Variants in PRDM16 observed in about 807,000 individuals in gnomAD.
PRDM16 encodes histone-lysine N-methyltransferase PRDM16.
PRDM16 carries 23 observed loss-of-function variants against 110.6 expected under a neutral mutation model. That is an observed-to-expected ratio of 0.21 (90% confidence interval 0.15 to 0.29). The LOEUF (loss-of-function observed/expected upper bound fraction) is 0.29. PRDM16 is among the 10% of genes least tolerant of loss of function. PRDM16 has a pLI of 1.00. For synonymous variants in PRDM16, 799 were observed against 781.8 expected, an observed-to-expected ratio of 1.02 and a Z score of -0.37; for missense variants, 1,615 against 1,794.3, an observed-to-expected ratio of 0.90 and a Z score of 1.81.
Position 3,435,862 on chromosome 1 carries a change from T to G in PRDM16, c.*2051T>G. 1 of 231,160 alleles carries G rather than the reference T, an allele frequency of 4.3e-6. No individual in the cohort carries two copies. The highest frequency in any genetic ancestry group is 5.6e-5 in the Admixed American group (1 of 17,758). 14.3% of individuals were successfully genotyped at this position (231,160 alleles called of 1,614,324 possible). On this transcript the variant is annotated 3_prime_UTR_variant, in exon 17 of 17. Coordinates refer to ENST00000270722, the MANE Select transcript of PRDM16 (RefSeq NM_022114.4). Reference sequence around the variant, plus strand: ...ACCCGACGGATCACAGTGAAAGGGATTCCTCCCACGCCAGATCTGCACAAC... The same window carrying G: ...ACCCGACGGATCACAGTGAAAGGGAGTCCTCCCACGCCAGATCTGCACAAC...
chr1:3,409,437 G>A (rs1643631013), intron 8 of PRDM16, among the ~76,000 whole-genome samples: 1 of 152,170 alleles, frequency 6.6e-6, no homozygotes, highest in African/African-American at 2.4e-5. Flanking sequence ...CGCCCCGCCA[G>A]GCTGGACGAG....
Position 3,212,787 on chromosome 1 carries a change from G to C in PRDM16, c.387+26313G>C, listed in dbSNP as rs115688827. ...GCACCTGCATTTCCGCCGCTACCTC[G>C]GCGTGGCTCTGCCTGCTCCCTCCCT... On this transcript the variant is annotated intron_variant, in intron 2 of 16. Transcript: ENST00000270722. Among the ~76,000 whole-genome samples, 1,459 of 152,098 alleles carry C rather than the reference G, an allele frequency of 9.6e-3. 20 individuals are homozygous for C. The highest frequency in any genetic ancestry group is 0.033 in the African/African-American group (1,379 of 41,420).
chr1:3,363,327 G>A (rs551149779), intron 3 of PRDM16, among the ~76,000 whole-genome samples: 87 of 152,344 alleles, frequency 5.7e-4, no homozygotes, highest in South Asian at 1.7e-3. Context: ...TCCCACATGA[G>A]ATGGACAAGC....
chr1:3,346,630 C>G (rs754085967), intron 3 of PRDM16, among the ~76,000 whole-genome samples: 14 of 152,170 alleles, frequency 9.2e-5, no homozygotes, highest in African/African-American at 3.1e-4. Flanking sequence ...GATGGCCAGC[C>G]AGGCCCACCC....
intron 1 of PRDM16, among the ~76,000 whole-genome samples, chr1:3,152,040 A>G (rs1045025283): frequency 1.3e-5 from 2 of 152,338 alleles, no homozygotes; most frequent in Admixed American, 6.5e-5. Flanking sequence ...GCCCCGTGGC[A>G]CATTGCTCAG....
At chr1:3,334,050 G>C (rs1002312308) in intron 3 of PRDM16, among the ~76,000 whole-genome samples, 1 of 152,202 alleles carries the variant, frequency 6.6e-6, no homozygotes, top group African/African-American at 2.4e-5. Flanking sequence ...CATAACACAC[G>C]TAAAGTGCAG....
intron 3 of PRDM16, among the ~76,000 whole-genome samples, chr1:3,345,584 G>C (rs1261242830): frequency 6.6e-6 from 1 of 152,238 alleles, no homozygotes; most frequent in Non-Finnish European, 1.5e-5. Flanking sequence ...AATGGGACTT[G>C]GGTCTTGAAT....
At chr1:3,119,908 C>T (rs1643055188) in intron 1 of PRDM16, among the ~76,000 whole-genome samples, 1 of 152,144 alleles carries the variant, frequency 6.6e-6, no homozygotes, top group African/African-American at 2.4e-5. Flanking sequence ...CCCCCAGGAT[C>T]CCTGCGGCCC....
rs1037895612 is a variant in PRDM16 at position 3,080,709 on chromosome 1, C to A, written c.37+11413C>A. On this transcript the variant is annotated intron_variant, in intron 1 of 16. Transcript: ENST00000270722. This position sits in a 1 kb window ranked among gnomAD's most constrained non-coding sequence, Gnocchi z 5.2. ...AGCAAAGCCAGCTTGCTCTCCCCCT[C>A]GGACCGGGCAACTGCTCCTGGATTT... 6.6e-6 allele frequency among the ~76,000 whole-genome samples: 1 copy of A among 152,176 alleles called. No homozygotes were observed. The highest frequency in any genetic ancestry group is 2.4e-5 in the African/African-American group (1 of 41,448).
chr1:3,382,250 C>A lies in PRDM16; in HGVS notation c.439-2902C>A, dbSNP rs796419654. On this transcript the variant is annotated intron_variant, in intron 3 of 16. Transcript: ENST00000270722. This position sits in a 1 kb window ranked among gnomAD's most constrained non-coding sequence, Gnocchi z 6.6. The stretch of plus-strand genomic sequence containing the variant: ...ACCAGCCGCTTGTGGCCTCCTCCCT[C>A]CCATGCCACGCCCCTGCCACCCCTG... Among the ~76,000 whole-genome samples, 29 of 152,334 alleles carry A rather than the reference C, an allele frequency of 1.9e-4. No individual in the cohort carries two copies. The highest frequency in any genetic ancestry group is 6.7e-4 in the African/African-American group (28 of 41,574).
chr1:3,138,853 G>A (rs1216325523), intron 1 of PRDM16, among the ~76,000 whole-genome samples: 3 of 152,162 alleles, frequency 2.0e-5, no homozygotes, highest in Non-Finnish European at 4.4e-5. Context: ...CCCTGGGCTT[G>A]GTGCAGCTGC....
intron 1 of PRDM16, among the ~76,000 whole-genome samples, chr1:3,130,823 T>C: frequency 6.6e-6 from 1 of 151,836 alleles, no homozygotes; most frequent in Non-Finnish European, 1.5e-5. Flanking sequence ...TTTTTATCTT[T>C]TCTGCTGCCG....
intron 1 of PRDM16, among the ~76,000 whole-genome samples, chr1:3,074,681 A>C (rs1430680064): frequency 6.6e-6 from 1 of 151,568 alleles, no homozygotes; most frequent in Non-Finnish European, 1.5e-5. Context: ...CACCCTCCAC[A>C]CTCCCTCGCT....
chr1:3,335,604 C>CACACAT (rs1553164997), intron 3 of PRDM16, among the ~76,000 whole-genome samples: 46 of 73,144 alleles, frequency 6.3e-4, no homozygotes, highest in African/African-American at 1.5e-3. Context: ...GAGGTTAAAA[C>CACACAT]ACACACACAC....
At chr1:3,156,462 G>A (rs990578821) in intron 1 of PRDM16, among the ~76,000 whole-genome samples, 3 of 152,128 alleles carry the variant, frequency 2.0e-5, no homozygotes, top group Non-Finnish European at 4.4e-5. Context: ...TTAAGAAGAA[G>A]GATGGACCCA....
intron 2 of PRDM16, among the ~76,000 whole-genome samples, chr1:3,230,953 AT>A (rs1639394663): frequency 6.6e-6 from 1 of 152,024 alleles, no homozygotes; most frequent in South Asian, 2.1e-4. Flanking sequence ...GAAGCCTCCC[AT>A]TCCTGGAGAG....
rs1408484708 is a variant in PRDM16 at position 3,353,760 on chromosome 1, G to A, written c.439-31392G>A. ...AGTGGCCAAGGGGGTTGCACTTGGG[G>A]CCGGACCTCCTGACTCCTGCCTCTG... On this transcript the variant is annotated intron_variant, in intron 3 of 16. Coordinates refer to ENST00000270722, the MANE Select transcript of PRDM16 (RefSeq NM_022114.4). This position sits in a 1 kb window ranked among gnomAD's most constrained non-coding sequence, Gnocchi z 5.4. Among the ~76,000 whole-genome samples, 9 of 152,182 alleles carry A rather than the reference G, an allele frequency of 5.9e-5. No homozygotes were observed. The highest frequency in any genetic ancestry group is 1.5e-5 in the Non-Finnish European group (1 of 68,010).
intron 1 of PRDM16, among the ~76,000 whole-genome samples, chr1:3,168,525 A>G (rs944776670): frequency 2.7e-5 from 4 of 150,294 alleles, no homozygotes; most frequent in Non-Finnish European, 5.9e-5. Context: ...CTGAGGCATA[A>G]AAAATGAGAA....
At chr1:3,149,577 C>T (rs1643739495) in intron 1 of PRDM16, among the ~76,000 whole-genome samples, 2 of 152,304 alleles carry the variant, frequency 1.3e-5, no homozygotes, top group African/African-American at 4.8e-5. Context: ...TCCCAGCTGA[C>T]GGAGGCCAGG....
Sources: gnomAD v4.1 joint callset for allele counts (sites outside exome capture counted in the v4.1 genomes callset) on GRCh38, gnomAD v4.1.1 for gene constraint, Gnocchi (gnomAD v3.1) non-coding constraint, MANE v1.5 for transcripts, NCBI Gene and HGNC (gene_info 2026-07-23, HGNC 2026-07-21) for gene names.